CDK8: variants seen among roughly 807,000 people sequenced by gnomAD.
CDK8 encodes the protein cyclin-dependent kinase 8.
A neutral mutation model predicts 71.5 loss-of-function variants in CDK8; 29 were observed. That is an observed-to-expected ratio of 0.41 (90% CI 0.30 to 0.55). The LOEUF (loss-of-function observed/expected upper bound fraction) is 0.55, where lower values mean the gene tolerates loss of function less well. CDK8 is among the 20% of genes least tolerant of loss of function. CDK8 has a pLI of 0.37. For synonymous variants in CDK8, 161 were observed against 192.1 expected (o/e 0.84, Z 1.34); for missense variants, 288 against 572.6 (o/e 0.50, Z 5.07).
chr13:26,360,561 G>A (rs1874090605), intron 4 of CDK8, among the ~76,000 whole-genome samples: 1 of 151,822 alleles, frequency 6.6e-6, no homozygotes, highest in African/African-American at 2.4e-5. Flanking sequence ...ACCACCCATG[G>A]GCCACTTACT....
chr13:26,320,323 A>C lies in CDK8; in HGVS notation c.129-17244A>C, dbSNP rs1308045035. Reference sequence around the variant, plus strand: ...CTACTCAGGAGGCTGGGTCGGGAGGATCGCTTGAGCACAGTAATTCAGCGC... The same window carrying C: ...CTACTCAGGAGGCTGGGTCGGGAGGCTCGCTTGAGCACAGTAATTCAGCGC... On this transcript the variant is annotated intron_variant, in intron 1 of 12. Transcript: ENST00000381527. Among the ~76,000 whole-genome samples the C allele has an allele frequency of 3.3e-5, 5 of 152,112 alleles. No individual in the cohort carries two copies. The East Asian group carries it at 7.7e-4, about 23-fold the overall frequency.
chr13:26,304,897 G>A (rs1873975993), intron 1 of CDK8, among the ~76,000 whole-genome samples: 2 of 151,926 alleles, frequency 1.3e-5, no homozygotes, highest in Admixed American at 1.3e-4. Flanking sequence ...TTGAACTTCT[G>A]GCCTCAATGA....
intron 1 of CDK8, among the ~76,000 whole-genome samples, chr13:26,309,686 A>T (rs1874199740): frequency 6.6e-6 from 1 of 152,082 alleles, no homozygotes; most frequent in Non-Finnish European, 1.5e-5. Flanking sequence ...AGATACCCTT[A>T]ATGTGCTGAG....
intron 1 of CDK8, among the ~76,000 whole-genome samples, chr13:26,313,742 T>G (rs187685417): frequency 5.6e-4 from 86 of 152,288 alleles, no homozygotes; most frequent in African/African-American, 2.0e-3. Flanking sequence ...AGTGACTTGA[T>G]GTAATTGTTG....
At chr13:26,336,185 C>T (rs963878260) in intron 1 of CDK8, among the ~76,000 whole-genome samples, 1 of 151,956 alleles carries the variant, frequency 6.6e-6, no homozygotes, top group Non-Finnish European at 1.5e-5. Context: ...AGAGTGTGAT[C>T]CTGGAACCCC....
chr13:26,284,253 C>G (rs1043407449), intron 1 of CDK8, among the ~76,000 whole-genome samples: 21 of 152,202 alleles, frequency 1.4e-4, no homozygotes, highest in Non-Finnish European at 2.8e-4. Context: ...AAACCAAACC[C>G]AAACCCAAAC....
intron 7 of CDK8, 34 bp downstream of exon 7, chr13:26,393,544 A>T (rs778290917): frequency 2.2e-5 from 35 of 1,607,054 alleles, no homozygotes; most frequent in Non-Finnish European, 2.6e-5. Context: ...TTGTTTTTAA[A>T]TCACTGTTGT....
chr13:26,398,193 T>C (rs1162090917), intron 9 of CDK8, among the ~76,000 whole-genome samples: 1 of 152,222 alleles, frequency 6.6e-6, no homozygotes, highest in East Asian at 1.9e-4. Flanking sequence ...ATTCTTAACC[T>C]GTCATATTAC....
At chr13:26,288,205 G>A (rs1008753288) in intron 1 of CDK8, among the ~76,000 whole-genome samples, 9 of 152,174 alleles carry the variant, frequency 5.9e-5, no homozygotes, top group Non-Finnish European at 1.3e-4. Flanking sequence ...CTCGTGATCC[G>A]CCTGCCTCGA....
chr13:26,285,753 A>T (rs142993346), intron 1 of CDK8, among the ~76,000 whole-genome samples: 1 of 152,316 alleles, frequency 6.6e-6, no homozygotes, highest in East Asian at 1.9e-4. Flanking sequence ...CTAAAGACCC[A>T]GAAAGCTCCT....
chr13:26,363,279 G>A (rs532802059), intron 4 of CDK8, among the ~76,000 whole-genome samples: 2 of 114,758 alleles, frequency 1.7e-5, no homozygotes, highest in South Asian at 6.1e-4. Context: ...AGTGAGCCGA[G>A]ATCGCACCAC....
At chr13:26,297,732 A>G (rs568992211) in intron 1 of CDK8, among the ~76,000 whole-genome samples, 1 of 152,332 alleles carries the variant, frequency 6.6e-6, no homozygotes, top group Admixed American at 6.5e-5. Context: ...AGGAAACGCT[A>G]CTTATACCTG....
intron 1 of CDK8, among the ~76,000 whole-genome samples, chr13:26,298,990 A>G (rs1281487207): frequency 1.3e-5 from 2 of 152,062 alleles, no homozygotes; most frequent in Non-Finnish European, 2.9e-5. Flanking sequence ...TGCTTTTCTA[A>G]TGCTAGAGCC....
intron 1 of CDK8, among the ~76,000 whole-genome samples, chr13:26,281,609 T>C (rs1459448861): frequency 6.6e-6 from 1 of 152,146 alleles, no homozygotes; most frequent in Admixed American, 6.6e-5. Context: ...AAGACCACAC[T>C]AGCTCCCCAG....
chr13:26,353,543 A>C (rs1873769952), intron 3 of CDK8, among the ~76,000 whole-genome samples, 197 bp from the exon 4 acceptor site: 1 of 152,120 alleles, frequency 6.6e-6, no homozygotes, highest in Admixed American at 6.5e-5. Flanking sequence ...ATGCTGTCAT[A>C]TGGGTAGGAA....
chr13:26,275,902 C>T (rs1342558122), intron 1 of CDK8, among the ~76,000 whole-genome samples: 3 of 151,970 alleles, frequency 2.0e-5, no homozygotes, highest in Admixed American at 1.3e-4. Flanking sequence ...CTCACTCTGT[C>T]GCCAGGCTGG....
intron 1 of CDK8, among the ~76,000 whole-genome samples, chr13:26,315,071 G>A (rs1273643108): frequency 6.6e-6 from 1 of 151,952 alleles, no homozygotes; most frequent in East Asian, 1.9e-4. Flanking sequence ...TACATTCTGG[G>A]ATTAGTCTAA....
Position 26,254,784 on chromosome 13 carries a change from C to T in CDK8, c.128+15C>T. 1 of 1,610,344 alleles carries T rather than the reference C, an allele frequency of 6.2e-7. No homozygotes were observed. The highest frequency in any genetic ancestry group is 8.5e-7 in the Non-Finnish European group (1 of 1,177,992). On this transcript the variant is annotated intron_variant, in intron 1 of 12. Coordinates refer to ENST00000381527, the MANE Select transcript of CDK8 (RefSeq NM_001260.3). The surrounding 1 kb of genome is among the most constrained non-coding windows in gnomAD (Gnocchi z 6.7). ...AGGAAAGATGGGTGAGTGTGTGTGT[C>T]TGGGCCGGTGTCCGCGCTGGGCGGC...
chr13:26,366,670 A>G (rs930728822), intron 4 of CDK8, among the ~76,000 whole-genome samples: 1 of 152,162 alleles, frequency 6.6e-6, no homozygotes, highest in African/African-American at 2.4e-5. Context: ...TCCCAAATAG[A>G]TGTGTGAATT....
Sources: allele counts gnomAD v4.1 joint callset (sites outside exome capture counted in the v4.1 genomes callset), GRCh38; gene constraint gnomAD v4.1.1; non-coding constraint Gnocchi (gnomAD v3.1); transcripts MANE v1.5; gene names NCBI Gene and HGNC (gene_info 2026-07-23, HGNC 2026-07-21).